DRC7: variants seen among roughly 807,000 people sequenced by gnomAD.
DRC7 encodes the protein coiled-coil domain containing 135.
In DRC7, 80 loss-of-function variants were observed where a neutral mutation model predicts 104.4. That is an observed-to-expected ratio of 0.77 (90% CI 0.64 to 0.92). The LOEUF is 0.92. DRC7 is among the 40% of genes least tolerant of loss of function. DRC7 has a pLI of 0.00. For synonymous variants in DRC7, 405 were observed against 447.3 expected (o/e 0.91, Z 1.19); for missense variants, 1,034 against 1,141.1 (o/e 0.91, Z 1.35).
chr16:57,718,472 T>C lies in DRC7; in HGVS notation c.1203T>C (p.Asn401=), dbSNP rs1163068276. The C allele has an allele frequency of 6.2e-7, 1 of 1,613,770 alleles. No homozygotes were observed. The highest frequency in any genetic ancestry group is 8.5e-7 in the Non-Finnish European group (1 of 1,179,808). Residue 401 remains asparagine (N), a synonymous_variant, in exon 9 of 19, where the codon AAT becomes AAC. Coordinates refer to ENST00000360716, the MANE Select transcript of DRC7 (RefSeq NM_001289162.2). The part of the protein sequence containing the change: ...SGINDEDDVE[N]LGKEDEDKSF... Reference sequence around the variant, plus strand: ...TAAACGATGAGGATGATGTGGAAAATCTGGTGAGTCTCAGCAGCTCGAGAG... The same window carrying C: ...TAAACGATGAGGATGATGTGGAAAACCTGGTGAGTCTCAGCAGCTCGAGAG...
Position 57,731,036 on chromosome 16 carries a change from T to TTCCGCA in DRC7, c.2507_2512dup (p.Arg836_Ile837dup). ...CCTGAGTTACTGCTCTCAGGCCATG[T>TTCCGCA]TCCGCATCCGCATCCTGGAGCAGCG... On this transcript the variant is annotated inframe_insertion, in exon 18 of 19. Transcript: ENST00000360716. The TTCCGCA allele has an allele frequency of 2.5e-6, 4 of 1,613,690 alleles. No individual in the cohort carries two copies. The highest frequency in any genetic ancestry group is 3.4e-6 in the Non-Finnish European group (4 of 1,179,958).
chr16:57,722,612 GT>G, intron 10 of DRC7, 100 bp from the exon 11 acceptor site: 1 of 1,507,690 alleles, frequency 6.6e-7, no homozygotes, highest in Non-Finnish European at 9.0e-7. Context: ...GAGGAGTTCA[GT>G]ACACAGAGAA....
intron 5 of DRC7, among the ~76,000 whole-genome samples, chr16:57,700,699 A>G (rs1200596043): frequency 6.6e-6 from 1 of 151,130 alleles, no homozygotes; most frequent in Non-Finnish European, 1.5e-5. Flanking sequence ...AGACCTGGAG[A>G]ACAGCGAAAG....
chr16:57,698,913 C>T lies in DRC7; in HGVS notation c.267C>T (p.Pro89=), dbSNP rs374123331. The T allele has an allele frequency of 4.3e-6, 7 of 1,614,166 alleles. No homozygotes were observed. Among genetic ancestry groups the T allele is most frequent in the East Asian group, 2.2e-5 (1 of 44,884 alleles). The change falls in exon 4 of 19, where the codon CCC becomes CCT. Residue 89 remains proline, a synonymous_variant. Coordinates refer to ENST00000360716, the MANE Select transcript of DRC7 (RefSeq NM_001289162.2). ...CCATTTCCTACAAAACCAACACACC[C>T]AAGGAGGAACACCTGCTGCAGGTGG... ...KLPISYKTNT[P]KEEHLLQVAD... is the part of the protein sequence containing the mutation.
intron 16 of DRC7, 25 bp downstream of exon 16, chr16:57,727,434 C>G: frequency 1.9e-6 from 3 of 1,568,538 alleles, no homozygotes; most frequent in East Asian, 2.2e-5. Context: ...CTTCTCCAGG[C>G]CCCAGCTTTT....
intron 8 of DRC7, among the ~76,000 whole-genome samples, chr16:57,711,242 A>C (rs1420129143): frequency 2.0e-5 from 3 of 152,226 alleles, no homozygotes; most frequent in African/African-American, 7.2e-5. Flanking sequence ...TTGTTATGAA[A>C]GTGTTCAAAA....
chr16:57,710,582 G>A (rs1371896793), intron 8 of DRC7, among the ~76,000 whole-genome samples: 1 of 152,138 alleles, frequency 6.6e-6, no homozygotes, highest in South Asian at 2.1e-4. Context: ...CTTACGGAGA[G>A]CATTTAGTCT....
At chr16:57,728,629 G>A in intron 17 of DRC7, 45 bp downstream of exon 17, 1 of 1,480,902 alleles carries the variant, frequency 6.8e-7, no homozygotes, top group Non-Finnish European at 9.1e-7. Context: ...CTCAGCATCT[G>A]CATCCAGGAA....
rs1597792346 is a variant in DRC7 at position 57,699,040 on chromosome 16, T to C, written c.378+16T>C. The C allele has an allele frequency of 6.2e-7, 1 of 1,612,218 alleles. No homozygotes were observed. The highest frequency in any genetic ancestry group is 8.5e-7 in the Non-Finnish European group (1 of 1,178,964). ...TGAAGTGCCCGTAAGGCTGGCATGT[T>C]GAGGGCAGGGCTGGGGAGCCTGGGG... On this transcript the variant is annotated intron_variant, in intron 4 of 18. Transcript: ENST00000360716.
intron 8 of DRC7, among the ~76,000 whole-genome samples, chr16:57,712,513 G>A (rs2048799810): frequency 6.6e-6 from 1 of 151,906 alleles, no homozygotes. Context: ...ACCAGTTTTT[G>A]GTTTTGTGGT....
intron 8 of DRC7, among the ~76,000 whole-genome samples, chr16:57,708,617 T>A (rs2048759010): frequency 6.6e-6 from 1 of 152,168 alleles, no homozygotes; most frequent in South Asian, 2.1e-4. Context: ...GGGTAACTAC[T>A]GAGGGGTGGA....
intron 8 of DRC7, 56 bp from the exon 9 acceptor site, chr16:57,718,291 G>C: frequency 6.3e-7 from 1 of 1,593,952 alleles, no homozygotes; most frequent in Non-Finnish European, 8.6e-7. Flanking sequence ...CCATGGATCA[G>C]GTGGGGACGT....
At chr16:57,729,683 G>GTGGATGGATGGA (rs1188089377) in intron 17 of DRC7, among the ~76,000 whole-genome samples, 2 of 53,292 alleles carry the variant, frequency 3.8e-5, no homozygotes, top group African/African-American at 2.1e-4. Context: ...GGGTGGGTGG[G>GTGGATGGATGGA]TGGATGGATG....
intron 7 of DRC7, among the ~76,000 whole-genome samples, chr16:57,705,451 C>T (rs1210467758): frequency 7.6e-6 from 1 of 131,874 alleles, no homozygotes. Flanking sequence ...CCTCTGATCT[C>T]TCCTCCCATT....
rs1363524830 is a variant in DRC7 at position 57,700,171 on chromosome 16, C to T, written c.405C>T (p.Pro135=). The stretch of plus-strand genomic sequence containing the variant: ...AGTTCGTGAGCACAACCCTCCGGCC[C>T]ACACTGATGCCCTACCCCGAGCTCT... ...VPKFVSTTLR[P]TLMPYPELYN... The change falls in exon 5 of 19, where the codon CCC becomes CCT. Residue 135 remains proline, a synonymous_variant. Transcript: ENST00000360716. The T allele has an allele frequency of 6.2e-6, 10 of 1,613,312 alleles. No homozygotes were observed. The highest frequency in any genetic ancestry group is 7.6e-6 in the Non-Finnish European group (9 of 1,179,768).
In DRC7 at chr16:57,731,520, G is replaced by A; in HGVS notation, c.*262G>A. 1.9e-6 allele frequency: 1 copy of A among 518,938 alleles called. No individual in the cohort carries two copies. The highest frequency in any genetic ancestry group is 2.3e-5 in the South Asian group (1 of 44,328). 32.1% of individuals were successfully genotyped at this position (518,938 alleles called of 1,614,324 possible). On this transcript the variant is annotated 3_prime_UTR_variant, in exon 19 of 19. Transcript: ENST00000360716. ...CTCTTCTTCTGTTATCTATAGCCTG[G>A]GACCACCCCCTTCCTCCCCTTGGCC...
rs756248413 is a variant in DRC7 at position 57,707,590 on chromosome 16, C to T, written c.989C>T (p.Thr330Ile). Residue 330 changes from threonine (T) to isoleucine (I), a missense_variant, in exon 8 of 19, where the codon ACC becomes ATC. Transcript: ENST00000360716. ...CCATTCACAGGACATAGCTACAGCACCCAGGATGAGCACTTCCTGGGCATC... is the reference window on the plus strand; with the variant it reads ...CCATTCACAGGACATAGCTACAGCATCCAGGATGAGCACTTCCTGGGCATC... ...IDPFTGHSYS[T>I]QDEHFLGIES... is the part of the protein sequence containing the mutation. 6.2e-7 allele frequency: 1 copy of T among 1,613,586 alleles called. No individual in the cohort carries two copies. The highest frequency in any genetic ancestry group is 1.1e-5 in the South Asian group (1 of 91,082).
At chr16:57,700,058 C>T (rs555839022) in intron 4 of DRC7, 87 bp from the exon 5 acceptor site, 14 of 1,483,320 alleles carry the variant, frequency 9.4e-6, no homozygotes, top group African/African-American at 1.4e-5. Context: ...CCTCTAGGGT[C>T]CCCCTGTGGA....
chr16:57,709,983 C>T (rs2048776684), intron 8 of DRC7, among the ~76,000 whole-genome samples: 1 of 152,012 alleles, frequency 6.6e-6, no homozygotes, highest in African/African-American at 2.4e-5. Flanking sequence ...GCAATGTTGC[C>T]CAGGTTGGTC....
Sources: allele counts gnomAD v4.1 joint callset (sites outside exome capture counted in the v4.1 genomes callset), GRCh38; gene constraint gnomAD v4.1.1; transcripts MANE v1.5; gene names NCBI Gene and HGNC (gene_info 2026-07-23, HGNC 2026-07-21).